Variants in KCNC2 observed in about 807,000 individuals in gnomAD.
The protein encoded by KCNC2 is potassium voltage-gated channel subfamily C member 2, also known as voltage-gated potassium channel KCNC2.
In KCNC2, 21 loss-of-function variants were observed where a neutral mutation model predicts 44.5. That is an observed-to-expected ratio of 0.47 (90% CI 0.33 to 0.68). The LOEUF is 0.68. KCNC2 is among the 30% of genes least tolerant of loss of function. The pLI is 0.01. For synonymous variants in KCNC2, 391 were observed against 339.1 expected (o/e 1.15, Z -1.68); for missense variants, 589 against 826.2 (o/e 0.71, Z 3.52).
rs887437183 is a variant in KCNC2 at position 75,041,484 on chromosome 12, C to T, written c.*1621G>A. On this transcript the variant is annotated 3_prime_UTR_variant, in exon 5 of 5. Transcript: ENST00000549446. ...ATAAACATGAGAAATAGGAATTAAT[C>T]AGCAGTCTCAAGGCTCCCAAATGCC... is the stretch of plus-strand genomic sequence containing the variant. The T allele has an allele frequency of 1.7e-5, 20 of 1,210,442 alleles. No individual in the cohort carries two copies. The African/African-American group carries it at 3.1e-4, about 19-fold the overall frequency. The allele number at this position is 1,210,442 out of a possible 1,614,324, so 75.0% of individuals were successfully genotyped here.
At chr12:75,115,522 T>C (rs1299990656) in intron 2 of KCNC2, among the ~76,000 whole-genome samples, 1 of 152,220 alleles carries the variant, frequency 6.6e-6, no homozygotes, top group Non-Finnish European at 1.5e-5. Context: ...ACAAAGTTTG[T>C]CCCATGTCTC....
At chr12:75,127,865 G>C (rs917851474) in intron 2 of KCNC2, among the ~76,000 whole-genome samples, 2 of 152,038 alleles carry the variant, frequency 1.3e-5, no homozygotes, top group African/African-American at 4.8e-5. Flanking sequence ...GGATTTCCCA[G>C]TTTCAGTTGC....
intron 2 of KCNC2, among the ~76,000 whole-genome samples, chr12:75,193,024 C>G (rs2030434348): frequency 6.6e-6 from 1 of 151,940 alleles, no homozygotes. Flanking sequence ...CTATAAATAT[C>G]TACAATTTTT....
In KCNC2 at chr12:75,207,200, C is replaced by G; in HGVS notation, c.687+97G>C. 1 of 1,476,756 alleles carries G rather than the reference C, an allele frequency of 6.8e-7. No homozygotes were observed. The highest frequency in any genetic ancestry group is 9.0e-7 in the Non-Finnish European group (1 of 1,115,132). The allele number at this position is 1,476,756 out of a possible 1,614,324, so 91.5% of individuals were successfully genotyped here. A position where few individuals can be genotyped will look rare whatever the true frequency, so the allele number is the denominator to read the frequency against. ...TAGGAAATCCCGGGTCTCTTCTACC[C>G]CCCATGCCTGAGGCCCTGGGGTGGA... On this transcript the variant is annotated intron_variant, in intron 2 of 4. Coordinates refer to ENST00000549446, the MANE Select transcript of KCNC2 (RefSeq NM_139137.4). This position sits in a 1 kb window ranked among gnomAD's most constrained non-coding sequence, Gnocchi z 4.1.
intron 2 of KCNC2, among the ~76,000 whole-genome samples, chr12:75,076,077 A>G (rs1257035141): frequency 6.8e-6 from 1 of 147,158 alleles, no homozygotes; most frequent in African/African-American, 2.5e-5. Flanking sequence ...ACACACACAC[A>G]CACGCTTACA....
chr12:75,146,876 C>G (rs570574965), intron 2 of KCNC2, among the ~76,000 whole-genome samples: 1 of 152,106 alleles, frequency 6.6e-6, no homozygotes, highest in Non-Finnish European at 1.5e-5. Context: ...CGAGGAAACA[C>G]TTTTCACTGA....
chr12:75,156,915 G>A (rs1379171935), intron 2 of KCNC2, among the ~76,000 whole-genome samples: 3 of 151,808 alleles, frequency 2.0e-5, no homozygotes, highest in Non-Finnish European at 4.4e-5. Flanking sequence ...GAGCCAGAGG[G>A]TAGCATTGAC....
intron 2 of KCNC2, among the ~76,000 whole-genome samples, chr12:75,084,135 T>C (rs1212380544): frequency 6.6e-6 from 1 of 151,864 alleles, no homozygotes; most frequent in Non-Finnish European, 1.5e-5. Flanking sequence ...GTCAAGGAAA[T>C]TAATTTATCC....
At chr12:75,153,050 A>T (rs1890516122) in intron 2 of KCNC2, among the ~76,000 whole-genome samples, 1 of 152,012 alleles carries the variant, frequency 6.6e-6, no homozygotes, top group South Asian at 2.1e-4. Flanking sequence ...ATTTTTAGGT[A>T]TCGTGAAGTA....
intron 2 of KCNC2, among the ~76,000 whole-genome samples, chr12:75,063,473 G>GCCTGCCTTAT (rs1882537525): frequency 6.6e-6 from 1 of 151,980 alleles, no homozygotes; most frequent in African/African-American, 2.4e-5. Flanking sequence ...CAGAGAAACT[G>GCCTGCCTTAT]CCTGCCTTAT....
At chr12:75,080,048 C>T (rs1239274846) in intron 2 of KCNC2, among the ~76,000 whole-genome samples, 3 of 152,076 alleles carry the variant, frequency 2.0e-5, no homozygotes, top group Non-Finnish European at 2.9e-5. Flanking sequence ...TCAGTGAAGA[C>T]TTTCTTCCAC....
At chr12:75,171,075 G>GA (rs11384139) in intron 2 of KCNC2, among the ~76,000 whole-genome samples, 102,156 of 151,518 alleles carry the variant, frequency 0.67, 36,276 homozygotes, top group African/African-American at 0.91. Context: ...AAGCCAGCAG[G>GA]GGATCTTACT....
intron 2 of KCNC2, among the ~76,000 whole-genome samples, chr12:75,146,958 C>G (rs939399982): frequency 6.6e-6 from 1 of 151,890 alleles, no homozygotes; most frequent in African/African-American, 2.4e-5. Context: ...CAAAAAGTAC[C>G]AAGGATCTGA....
intron 2 of KCNC2, among the ~76,000 whole-genome samples, chr12:75,137,869 A>C (rs1400837793): frequency 6.6e-6 from 1 of 152,228 alleles, no homozygotes; most frequent in African/African-American, 2.4e-5. Context: ...ATACAAAAGA[A>C]GTGTGCCTGT....
chr12:75,176,503 C>T (rs1229728769), intron 2 of KCNC2, among the ~76,000 whole-genome samples: 1 of 151,914 alleles, frequency 6.6e-6, no homozygotes, highest in Non-Finnish European at 1.5e-5. Context: ...ATTCACTACT[C>T]TTCCCCTCTG....
At chr12:75,136,961 C>T (rs1156315739) in intron 2 of KCNC2, among the ~76,000 whole-genome samples, 2 of 152,168 alleles carry the variant, frequency 1.3e-5, no homozygotes, top group African/African-American at 4.8e-5. Context: ...GCCACACTCT[C>T]TCCTCTTTCC....
chr12:75,162,326 G>T (rs1891172682), intron 2 of KCNC2, among the ~76,000 whole-genome samples: 1 of 151,586 alleles, frequency 6.6e-6, no homozygotes, highest in Non-Finnish European at 1.5e-5. Flanking sequence ...GGATTTCAAG[G>T]TCTGCTTTTT....
intron 2 of KCNC2, among the ~76,000 whole-genome samples, chr12:75,191,570 G>C (rs1410606920): frequency 2.2e-5 from 2 of 90,550 alleles, no homozygotes; most frequent in Admixed American, 3.2e-4. Flanking sequence ...TGGAGACGGA[G>C]TCTCGCTCTG....
chr12:75,154,447 C>T (rs186807390), intron 2 of KCNC2, among the ~76,000 whole-genome samples: 3 of 152,106 alleles, frequency 2.0e-5, no homozygotes, highest in Admixed American at 1.3e-4. Context: ...TCTAGACTCC[C>T]AGCCTGATGG....
Sources: gnomAD v4.1 joint callset for allele counts (sites outside exome capture counted in the v4.1 genomes callset) on GRCh38, gnomAD v4.1.1 for gene constraint, Gnocchi (gnomAD v3.1) non-coding constraint, MANE v1.5 for transcripts, NCBI Gene and HGNC (gene_info 2026-07-23, HGNC 2026-07-21) for gene names.